Variants in IL17B observed in about 807,000 individuals in gnomAD.
IL17B encodes interleukin-17B.
A neutral mutation model predicts 14.7 loss-of-function variants in IL17B; 14 were observed. That is an observed-to-expected ratio of 0.95 (90% CI 0.63 to 1.49). IL17B has a LOEUF of 1.49. IL17B is among the 40% of genes most tolerant of loss of function. IL17B has a pLI of 0.00. For missense variants in IL17B, 233 were observed against 252.8 expected (o/e 0.92, Z 0.53); for synonymous variants, 105 against 94.8 (o/e 1.11, Z -0.62).
At chr5:149,403,162 G>C (rs1159037648) in intron 1 of IL17B, among the ~76,000 whole-genome samples, 1 of 151,926 alleles carries the variant, frequency 6.6e-6, no homozygotes, top group Non-Finnish European at 1.5e-5. Flanking sequence ...TCGGCTTACT[G>C]TAGCCTCTGC....
chr5:149,390,975 T>TGTTTC (rs1758939246), intron 1 of IL17B, among the ~76,000 whole-genome samples: 1 of 151,912 alleles, frequency 6.6e-6, no homozygotes, highest in Non-Finnish European at 1.5e-5. Context: ...TTTTCCTTTG[T>TGTTTC]GTTTTGTTTT....
intron 1 of IL17B, 76 bp from the exon 2 acceptor site, chr5:149,377,101 T>A: frequency 7.8e-7 from 1 of 1,289,136 alleles, no homozygotes; most frequent in Non-Finnish European, 1.1e-6. Flanking sequence ...TCCATGGTCC[T>A]TTCCCATTGC....
chr5:149,381,704 C>G (rs1032881190), upstream of IL17B, among the ~76,000 whole-genome samples: 1 of 152,222 alleles, frequency 6.6e-6, no homozygotes, highest in African/African-American at 2.4e-5. Context: ...GTTTCCCATT[C>G]CTGGACCATC....
chr5:149,379,958 G>A (rs1758648440), upstream of IL17B, among the ~76,000 whole-genome samples: 1 of 152,198 alleles, frequency 6.6e-6, no homozygotes, highest in Admixed American at 6.5e-5. Flanking sequence ...TCAGCCTGCT[G>A]TGAACATATT....
At chr5:149,384,097 T>C (rs976327220), upstream of IL17B, among the ~76,000 whole-genome samples, 3 of 152,260 alleles carry the variant, frequency 2.0e-5, no homozygotes. Context: ...TCTCTAGGAA[T>C]ATCATTTCTC....
At chr5:149,385,922 G>A (rs1005264511) in intron 1 of IL17B, among the ~76,000 whole-genome samples, 8 of 152,212 alleles carry the variant, frequency 5.3e-5, no homozygotes, top group South Asian at 4.1e-4. Context: ...AGAAGAAAAC[G>A]TCAACATCTC....
At chr5:149,392,235 G>C (rs1758983757) in intron 1 of IL17B, among the ~76,000 whole-genome samples, 1 of 152,236 alleles carries the variant, frequency 6.6e-6, no homozygotes, top group South Asian at 2.1e-4. Flanking sequence ...AGCATTGTTT[G>C]TAATCACAAA....
At chr5:149,397,173 CT>C (rs1200852904) in intron 1 of IL17B, among the ~76,000 whole-genome samples, 2 of 151,628 alleles carry the variant, frequency 1.3e-5, no homozygotes, top group African/African-American at 2.4e-5. Flanking sequence ...CATTTTTAAT[CT>C]TTTTTTTTCT....
chr5:149,376,987 G>A lies in IL17B; in HGVS notation c.60C>T (p.Gly20=). 1 of 1,585,588 alleles carries A rather than the reference G, an allele frequency of 6.3e-7. No homozygotes were observed. The highest frequency in any genetic ancestry group is 1.2e-5 in the South Asian group (1 of 86,798). ...LLTISIFLGL[G]QPRSPKSKRK... ...TCTTGCTTTTGGGGCTCCTGGGCTG[G>A]CCCAGCCCCAGGAAGATGGAAATGG... Residue 20 remains glycine (G), a synonymous_variant, in exon 2 of 3, where the codon GGC becomes GGT. Transcript: ENST00000261796.
chr5:149,386,175 CTT>C (rs1201636332), intron 1 of IL17B, among the ~76,000 whole-genome samples: 1 of 152,112 alleles, frequency 6.6e-6, no homozygotes, highest in African/African-American at 2.4e-5. Flanking sequence ...TGGGTGGTGT[CTT>C]GTATGTGTGT....
chr5:149,378,075 C>T (rs759539912), intron 1 of IL17B, among the ~76,000 whole-genome samples: 3 of 150,276 alleles, frequency 2.0e-5, no homozygotes, highest in Admixed American at 1.3e-4. Context: ...ACCCGGGAGG[C>T]GGAGCTTGCA....
At position 149,374,427 on chromosome 5, in the gene IL17B, G is replaced by A. The variant is rs754779395; in HGVS notation, c.485C>T (p.Pro162Leu). Residue 162 changes from proline (P) to leucine (L), a missense_variant, in exon 3 of 3, where the codon CCT (proline) becomes CTT (leucine). Transcript: ENST00000261796. The surrounding 1 kb of genome is among the most constrained non-coding windows in gnomAD (Gnocchi z 5.0). ...RLCPPPPRTG[P>L]CRQRAVMETI... ...CTCCATGACTGCGCGCTGGCGGCAA[G>A]GCCCTGTGCGGGGCGGTGGCGGGCA... 11 of 1,606,992 alleles carry A rather than the reference G, an allele frequency of 6.8e-6. 1 individual carries two copies. In the African/African-American group the frequency reaches 1.5e-4, roughly 21 times the overall value.
intron 1 of IL17B, among the ~76,000 whole-genome samples, chr5:149,390,630 C>CACAGAGAGAGAGAG (rs1491235916): frequency 7.6e-6 from 1 of 132,002 alleles, no homozygotes; most frequent in African/African-American, 2.9e-5. Flanking sequence ...CACACACACA[C>CACAGAGAGAGAGAG]AGAGATACAC....
At position 149,392,054 on chromosome 5, in the gene IL17B, G is replaced by A. The variant is rs376661859; in HGVS notation, n.95+12054C>T. ...ACAGGCCTCTTGTACATTGCAAGTG[G>A]GAGTACACAATGGTTACAACCTCCA... On this transcript the variant is annotated intron_variant and non_coding_transcript_variant, in intron 1 of 2. Coordinates refer to the IL17B transcript ENST00000505432. Among the ~76,000 whole-genome samples the A allele has an allele frequency of 1.4e-3, 219 of 152,304 alleles. 2 individuals are homozygous for A. Among genetic ancestry groups the A allele is most frequent in the African/African-American group, 5.1e-3 (211 of 41,552 alleles).
intron 1 of IL17B, among the ~76,000 whole-genome samples, chr5:149,394,101 GTAAGAT>G: frequency 6.6e-6 from 1 of 152,298 alleles, no homozygotes. Context: ...ACTTGCCACA[GTAAGAT>G]AGGCAATAAA....
In IL17B at chr5:149,374,525, G is replaced by A; in HGVS notation, c.387C>T (p.Pro129=). The A allele has an allele frequency of 6.2e-7, 1 of 1,613,326 alleles. No individual in the cohort carries two copies. The highest frequency in any genetic ancestry group is 8.5e-7 in the Non-Finnish European group (1 of 1,180,012). Residue 129 remains proline (P), a synonymous_variant, in exon 3 of 3, where the codon CCC becomes CCT. Transcript: ENST00000261796. This position sits in a 1 kb window ranked among gnomAD's most constrained non-coding sequence, Gnocchi z 5.0. ...TGCTGCGGTCCTCCTGCATGGTGAA[G>A]GGGTTCACACAGCCCAGACACAGGC... is the stretch of plus-strand genomic sequence containing the variant. The part of the protein sequence containing the change: ...ARCLCLGCVN[P]FTMQEDRSMV...
chr5:149,379,524 C>T (rs933870545), upstream of IL17B, among the ~76,000 whole-genome samples: 1 of 152,226 alleles, frequency 6.6e-6, no homozygotes, highest in Non-Finnish European at 1.5e-5. Context: ...CCGGTGGCAC[C>T]TCCGCCTGTG....
At chr5:149,384,749 A>T (rs1286624871) in intron 1 of IL17B, among the ~76,000 whole-genome samples, 1 of 152,170 alleles carries the variant, frequency 6.6e-6, no homozygotes, top group East Asian at 1.9e-4. Context: ...AGTCAGCTCA[A>T]TTCTAGCACT....
At chr5:149,397,237 TCTGCTCAC>T (rs1759110671) in intron 1 of IL17B, among the ~76,000 whole-genome samples, 1 of 152,192 alleles carries the variant, frequency 6.6e-6, no homozygotes, top group Non-Finnish European at 1.5e-5. Flanking sequence ...TGGTGCGATC[TCTGCTCAC>T]TGCAACATCT....
Sources: allele counts gnomAD v4.1 joint callset (sites outside exome capture counted in the v4.1 genomes callset), GRCh38; gene constraint gnomAD v4.1.1; non-coding constraint Gnocchi (gnomAD v3.1); transcripts MANE v1.5; gene names NCBI Gene and HGNC (gene_info 2026-07-23, HGNC 2026-07-21).